Variants in OPCML observed in about 807,000 individuals in gnomAD.
OPCML encodes the protein opioid binding protein/cell adhesion molecule like, also known as opioid-binding protein/cell adhesion molecule.
A neutral mutation model predicts 37.8 loss-of-function variants in OPCML; 13 were observed. The ratio of observed to expected loss-of-function variants is 0.34; its 90% CI spans 0.22 to 0.55. The LOEUF is 0.55. Among genes scored for constraint, OPCML ranks in the 20% least tolerant of loss-of-function variants. OPCML has a pLI of 0.91. For synonymous variants in OPCML, 176 were observed against 168.8 expected, an observed-to-expected ratio of 1.04 and a Z score of -0.33; for missense variants, 341 against 435.6, an observed-to-expected ratio of 0.78 and a Z score of 1.93.
intron 4 of OPCML, among the ~76,000 whole-genome samples, chr11:132,461,072 G>C (rs1021155668): frequency 6.6e-6 from 1 of 152,134 alleles, no homozygotes; most frequent in Non-Finnish European, 1.5e-5. Context: ...TGAACCCAAG[G>C]AGAACAGAGC....
At chr11:133,054,671 C>T (rs930374278) in intron 1 of OPCML, among the ~76,000 whole-genome samples, 13 of 152,238 alleles carry the variant, frequency 8.5e-5, no homozygotes, top group Non-Finnish European at 1.9e-4. Flanking sequence ...GGGGACACTT[C>T]TCAGTCTGCT....
chr11:132,671,350 C>A (rs1942469802), intron 2 of OPCML, among the ~76,000 whole-genome samples: 1 of 152,112 alleles, frequency 6.6e-6, no homozygotes. Context: ...AAAACTCTTT[C>A]CTTGGGCCAT....
At chr11:132,980,874 T>C (rs1427442814) in intron 1 of OPCML, among the ~76,000 whole-genome samples, 2 of 152,220 alleles carry the variant, frequency 1.3e-5, no homozygotes, top group Admixed American at 1.3e-4. Flanking sequence ...GCACATACAG[T>C]CCCGTGTCAC....
At chr11:133,048,826 G>C (rs1164472336) in intron 1 of OPCML, among the ~76,000 whole-genome samples, 1 of 152,108 alleles carries the variant, frequency 6.6e-6, no homozygotes, top group Non-Finnish European at 1.5e-5. Context: ...AGGTATTTAG[G>C]ACATGTTTCC....
rs895540483 is a variant in OPCML at position 132,659,287 on chromosome 11, GA to G, written c.147-1969del. On this transcript the variant is annotated intron_variant, in intron 2 of 7. Coordinates refer to ENST00000524381, the MANE Select transcript of OPCML (RefSeq NM_001012393.5). ...CCCACTTTCAAAGGCTTTTCTTGGG[GA>G]AAAAATATGATAAATTTATTCATTC... 2.6e-5 allele frequency among the ~76,000 whole-genome samples: 4 copies of G among 152,114 alleles called. No individual in the cohort carries two copies. In the East Asian group the frequency reaches 5.8e-4, roughly 22 times the overall value.
intron 4 of OPCML, among the ~76,000 whole-genome samples, chr11:132,446,712 T>A (rs1022506013): frequency 2.0e-5 from 3 of 152,088 alleles, no homozygotes; most frequent in African/African-American, 7.2e-5. Flanking sequence ...ATCAACAAGC[T>A]AAAGTGAAAT....
At chr11:132,502,382 G>A (rs2096247406) in intron 4 of OPCML, among the ~76,000 whole-genome samples, 1 of 151,874 alleles carries the variant, frequency 6.6e-6, no homozygotes. Flanking sequence ...CATTAATAGT[G>A]CCTCCTGGCC....
intron 1 of OPCML, among the ~76,000 whole-genome samples, chr11:133,404,119 C>T (rs1020040939): frequency 6.6e-6 from 1 of 152,154 alleles, no homozygotes; most frequent in African/African-American, 2.4e-5. Flanking sequence ...AGACACATGG[C>T]TCCAATCCGG....
rs1565468582 is a variant in OPCML at position 133,140,934 on chromosome 11, A to AGAC, written c.62-197925_62-197924insGTC. On this transcript the variant is annotated intron_variant, in intron 1 of 7. Transcript: ENST00000524381. Reference sequence around the variant, plus strand: ...AAGAAGAAGAAGACGACGACGACGAAGAAGAAGAAGACGACGAAGAAGAAG... The same window carrying AGAC: ...AAGAAGAAGAAGACGACGACGACGAAGACGAAGAAGAAGACGACGAAGAAGAAG... Among the ~76,000 whole-genome samples the AGAC allele has an allele frequency of 5.6e-4, 10 of 17,738 alleles. 3 individuals are homozygous for AGAC. Among genetic ancestry groups the AGAC allele is most frequent in the Non-Finnish European group, 1.3e-3 (8 of 6,036 alleles). 11.6% of individuals were successfully genotyped at this position (17,738 alleles called of 152,430 possible). A position where few individuals can be genotyped will look rare whatever the true frequency, so the allele number is the denominator to read the frequency against.
chr11:132,949,256 C>T (rs180766955), intron 1 of OPCML, among the ~76,000 whole-genome samples: 121 of 152,350 alleles, frequency 7.9e-4, no homozygotes, highest in African/African-American at 2.8e-3. Flanking sequence ...GCATTTCAAA[C>T]TGGCTTAAGT....
chr11:132,431,871 T>G (rs1031025015), intron 7 of OPCML, among the ~76,000 whole-genome samples: 14 of 152,176 alleles, frequency 9.2e-5, no homozygotes, highest in African/African-American at 3.4e-4. Flanking sequence ...AGATGGGGAC[T>G]GTGTGTTGGG....
intron 3 of OPCML, among the ~76,000 whole-genome samples, chr11:132,536,467 T>C (rs577850507): frequency 1.3e-5 from 2 of 152,304 alleles, no homozygotes; most frequent in South Asian, 2.1e-4. Context: ...ATATGGAGAT[T>C]AGATTAGTGA....
chr11:132,478,877 G>A (rs2096167062), intron 4 of OPCML, among the ~76,000 whole-genome samples: 1 of 152,122 alleles, frequency 6.6e-6, no homozygotes, highest in Non-Finnish European at 1.5e-5. Context: ...AATATAATTT[G>A]GGTTAAATAT....
intron 1 of OPCML, among the ~76,000 whole-genome samples, chr11:133,315,457 C>G (rs1228643582): frequency 6.6e-6 from 1 of 152,156 alleles, no homozygotes; most frequent in Non-Finnish European, 1.5e-5. Context: ...TCCAAAGTCA[C>G]CTCAAGATGA....
At chr11:133,005,251 T>C (rs1947086947) in intron 1 of OPCML, 4 of 985,388 alleles carry the variant, frequency 4.1e-6, no homozygotes, top group Non-Finnish European at 4.8e-6. Flanking sequence ...AGATTGATAG[T>C]GGAAAAAGTG....
At chr11:132,567,716 A>ATTTTAATG (rs961883003) in intron 3 of OPCML, among the ~76,000 whole-genome samples, 7 of 152,196 alleles carry the variant, frequency 4.6e-5, no homozygotes, top group African/African-American at 1.7e-4. Context: ...ACTTTTATTT[A>ATTTTAATG]TTTTAATGTT....
intron 1 of OPCML, among the ~76,000 whole-genome samples, chr11:133,241,670 T>C (rs1940735338): frequency 1.3e-5 from 2 of 152,184 alleles, no homozygotes; most frequent in East Asian, 1.9e-4. Context: ...GTAGTTCACC[T>C]TCCCTCCTAA....
chr11:132,753,769 T>C (rs1023022333), intron 2 of OPCML, among the ~76,000 whole-genome samples: 2 of 152,266 alleles, frequency 1.3e-5, no homozygotes, highest in Middle Eastern at 3.4e-3. Flanking sequence ...AAATAATCTA[T>C]TGTTTAACCA....
chr11:132,787,826 T>C (rs1341053003), intron 2 of OPCML, among the ~76,000 whole-genome samples: 1 of 152,192 alleles, frequency 6.6e-6, no homozygotes, highest in Non-Finnish European at 1.5e-5. Flanking sequence ...CCAAATTCGC[T>C]TTGTATTCTT....
Sources: gnomAD v4.1 joint callset for allele counts (sites outside exome capture counted in the v4.1 genomes callset) on GRCh38, gnomAD v4.1.1 for gene constraint, MANE v1.5 for transcripts, NCBI Gene and HGNC (gene_info 2026-07-23, HGNC 2026-07-21) for gene names.